The following RFC1 variants were observed in gnomAD, a reference collection of about 807,000 sequenced individuals.
The protein encoded by RFC1 is replication factor C subunit 1, also known as A1 140 kDa subunit.
In RFC1, 37 loss-of-function variants were observed where a neutral mutation model predicts 137.4. That is an observed-to-expected ratio of 0.27 (90% CI 0.21 to 0.35). The LOEUF is 0.35. Among genes scored for constraint, RFC1 ranks in the 10% least tolerant of loss-of-function variants. The pLI is 1.00. For synonymous variants in RFC1, 429 were observed against 455.7 expected, an observed-to-expected ratio of 0.94 and a Z score of 0.75; for missense variants, 1,205 against 1,358.5, an observed-to-expected ratio of 0.89 and a Z score of 1.78.
chr4:39,308,255 T>G (rs1444237981), intron 13 of RFC1, among the ~76,000 whole-genome samples: 1 of 152,168 alleles, frequency 6.6e-6, no homozygotes, highest in East Asian at 1.9e-4. Context: ...TCTCCCTCCC[T>G]TCACCTAGCT....
In RFC1 at chr4:39,287,735, C is replaced by A. The variant is rs1029070333; in HGVS notation, c.*1026G>T. ...TCCATAGCCTCACGGCCACTCAACACATACAGTTATAGGAATAACCCAAAC... is the reference window on the plus strand; with the variant it reads ...TCCATAGCCTCACGGCCACTCAACAAATACAGTTATAGGAATAACCCAAAC... On this transcript the variant is annotated 3_prime_UTR_variant, in exon 25 of 25. Coordinates refer to ENST00000349703, the MANE Select transcript of RFC1 (RefSeq NM_002913.5). 2.6e-5 allele frequency: 4 copies of A among 152,214 alleles called. No homozygotes were observed. The South Asian group carries it at 8.3e-4, about 31-fold the overall frequency. 9.4% of individuals were successfully genotyped at this position (152,214 alleles called of 1,614,324 possible). A position where few individuals can be genotyped will look rare whatever the true frequency, so the allele number is the denominator to read the frequency against.
At chr4:39,351,966 CAAAAAA>C (rs570668838) in intron 1 of RFC1, among the ~76,000 whole-genome samples, 1 of 57,828 alleles carries the variant, frequency 1.7e-5, no homozygotes, top group Non-Finnish European at 3.8e-5. Context: ...GACTCCGTCT[CAAAAAA>C]AAAAAAAAAA....
At chr4:39,332,603 A>G (rs1047323880) in intron 4 of RFC1, among the ~76,000 whole-genome samples, 2 of 152,216 alleles carry the variant, frequency 1.3e-5, no homozygotes, top group Non-Finnish European at 2.9e-5. Context: ...GCAAAATACT[A>G]TACTCCTTAG....
chr4:39,346,557 C>G (rs930812942), intron 2 of RFC1, among the ~76,000 whole-genome samples: 1 of 150,816 alleles, frequency 6.6e-6, no homozygotes, highest in Non-Finnish European at 1.5e-5. Flanking sequence ...ACATTTCTAA[C>G]ATATTCAAAT....
At chr4:39,361,777 G>A (rs929915402) in intron 1 of RFC1, among the ~76,000 whole-genome samples, 1 of 152,174 alleles carries the variant, frequency 6.6e-6, no homozygotes, top group African/African-American at 2.4e-5. Flanking sequence ...AGCTGGGCGC[G>A]GTGGCTCACG....
chr4:39,331,662 T>C (rs1408284425), intron 4 of RFC1, among the ~76,000 whole-genome samples: 5 of 152,186 alleles, frequency 3.3e-5, no homozygotes, highest in East Asian at 1.9e-4. Flanking sequence ...AAAATATCTA[T>C]ATTTGCTCAT....
chr4:39,335,966 A>G (rs1229435367), intron 4 of RFC1, among the ~76,000 whole-genome samples: 4 of 152,214 alleles, frequency 2.6e-5, no homozygotes, highest in Non-Finnish European at 5.9e-5. Flanking sequence ...TGTCTCTCAC[A>G]GTTTCACAAG....
chr4:39,315,896 T>G (rs900992867), intron 10 of RFC1, among the ~76,000 whole-genome samples: 8 of 152,312 alleles, frequency 5.3e-5, no homozygotes, highest in African/African-American at 1.9e-4. Context: ...CAGAGCGATC[T>G]TTCAGAAATT....
At chr4:39,361,885 A>G (rs976672715) in intron 1 of RFC1, among the ~76,000 whole-genome samples, 4 of 152,146 alleles carry the variant, frequency 2.6e-5, no homozygotes, top group Non-Finnish European at 5.9e-5. Flanking sequence ...AAATACAAAA[A>G]AAAATTAGAT....
In RFC1 at chr4:39,295,721, C is replaced by G. The variant is rs1737951497; in HGVS notation, c.2847G>C (p.Arg949Ser). ...YASVLPGELM[R>S]GYMTQFPTFP... ...AGGTGGGAAACTGGGTCATGTACCC[C>G]CTCATCAACTCTCCAGGAAGAACAC... is the stretch of plus-strand genomic sequence containing the variant. Residue 949 changes from arginine (R) to serine (S), a missense_variant, in exon 22 of 25, where the codon AGG becomes AGC. Physicochemically the swap from Arg to Ser is moderately radical, Grantham distance 110. This residue lies in a region of RFC1 where 237 missense variants were observed against 304.2 expected (regional missense o/e 0.78). Transcript: ENST00000349703. 6.2e-7 allele frequency: 1 copy of G among 1,613,406 alleles called. No homozygotes were observed. Among genetic ancestry groups the G allele is most frequent in the East Asian group, 2.2e-5 (1 of 44,878 alleles).
chr4:39,329,262 G>A (rs1739963496), intron 4 of RFC1, among the ~76,000 whole-genome samples: 2 of 151,868 alleles, frequency 1.3e-5, no homozygotes, highest in Admixed American at 6.6e-5. Flanking sequence ...AGTACTTTGG[G>A]AGGCTGAGGC....
intron 23 of RFC1, among the ~76,000 whole-genome samples, chr4:39,291,192 G>A (rs2109574661): frequency 6.6e-6 from 1 of 152,240 alleles, no homozygotes; most frequent in Admixed American, 6.5e-5. Flanking sequence ...CATTATTACA[G>A]AGAAGATTAT....
In RFC1 at chr4:39,304,890, G is replaced by A. The variant is rs751224799; in HGVS notation, c.2034C>T (p.Asp678=). The A allele has an allele frequency of 1.2e-6, 2 of 1,613,240 alleles. No individual in the cohort carries two copies. The highest frequency in any genetic ancestry group is 1.3e-5 in the African/African-American group (1 of 74,996). Residue 678 remains aspartate (D), a synonymous_variant, in exon 15 of 25, where the codon GAC becomes GAT. Coordinates refer to ENST00000349703, the MANE Select transcript of RFC1 (RefSeq NM_002913.5). ...CCTTCAAACTGCTCTTACTCCGGGT[G>A]TCACTTGCATTCAGTTCCACGTAGC... ...GYSYVELNAS[D]TRSKSSLKAI...
At chr4:39,344,956 T>A (rs1740775106) in intron 3 of RFC1, among the ~76,000 whole-genome samples, 1 of 152,194 alleles carries the variant, frequency 6.6e-6, no homozygotes, top group African/African-American at 2.4e-5. Context: ...AGCCCTCTTC[T>A]CACAGGACTT....
chr4:39,327,659 C>G lies in RFC1; in HGVS notation c.429G>C (p.Lys143Asn). 1 of 1,613,532 alleles carries G rather than the reference C, an allele frequency of 6.2e-7. No homozygotes were observed. The highest frequency in any genetic ancestry group is 8.5e-7 in the Non-Finnish European group (1 of 1,179,774). The change falls in exon 5 of 25, where the codon AAG (lysine) becomes AAC (asparagine). Residue 143 changes from lysine (K) to asparagine (N), a missense_variant. By Grantham distance (94) the Lys-to-Asn change is moderately conservative. Around this residue, in one of 3 missense-constraint regions of RFC1, gnomAD observed 962 missense variants for 1,035.3 expected, o/e 0.93. Transcript: ENST00000349703. ...NSHLGTSNMKKNEENTKTKNK... is the reference protein window; with the variant it reads ...NSHLGTSNMKNNEENTKTKNK... ...TCTTGGTCTTAGTGTTTTCTTCATTCTTTTTCATGTTTGATGTTCCAAGAT... is the reference window on the plus strand; with the variant it reads ...TCTTGGTCTTAGTGTTTTCTTCATTGTTTTTCATGTTTGATGTTCCAAGAT...
intron 19 of RFC1, among the ~76,000 whole-genome samples, chr4:39,301,769 G>C (rs1356074700): frequency 6.6e-6 from 1 of 152,190 alleles, no homozygotes; most frequent in Non-Finnish European, 1.5e-5. Context: ...AACATAGCGA[G>C]ACCCTGTCTC....
Position 39,320,465 on chromosome 4 carries a change from G to A in RFC1, c.1013C>T (p.Ser338Leu), listed in dbSNP as rs1441302773. The change falls in exon 9 of 25, where the codon TCA becomes TTA. Residue 338 changes from serine (S) to leucine (L), a missense_variant. This residue lies in a region of RFC1 where 962 missense variants were observed against 1,035.3 expected (regional missense o/e 0.93). Transcript: ENST00000349703. The part of the protein sequence containing the change: ...SSYKEIEPVA[S>L]KRKENAIKLK... Reference sequence around the variant, plus strand: ...TTTAATGGCATTTTCTTTTCTTTTTGAGGCCACAGGCTCTATTTCTTTATA... The same window carrying A: ...TTTAATGGCATTTTCTTTTCTTTTTAAGGCCACAGGCTCTATTTCTTTATA... 2 of 1,555,950 alleles carry A rather than the reference G, an allele frequency of 1.3e-6. No homozygotes were observed. The highest frequency in any genetic ancestry group is 1.7e-6 in the Non-Finnish European group (2 of 1,157,880).
chr4:39,331,591 A>G lies in RFC1; in HGVS notation c.332-3835T>C, dbSNP rs12641490. On this transcript the variant is annotated intron_variant, in intron 4 of 24. Coordinates refer to ENST00000349703, the MANE Select transcript of RFC1 (RefSeq NM_002913.5). ...TAATATGGGAAAAAAAATAACCTAA[A>G]TATCTATTAATATGTATACTCAACC... 3.3e-4 allele frequency among the ~76,000 whole-genome samples: 51 copies of G among 152,312 alleles called. 1 individual carries two copies. The East Asian group carries it at 7.1e-3, about 21-fold the overall frequency.
intron 6 of RFC1, among the ~76,000 whole-genome samples, chr4:39,325,456 C>T (rs1739715919): frequency 6.6e-6 from 1 of 152,212 alleles, no homozygotes; most frequent in Non-Finnish European, 1.5e-5. Flanking sequence ...AATCACAGCT[C>T]ATTGCAGCCT....
Sources: gnomAD v4.1 joint callset for allele counts (sites outside exome capture counted in the v4.1 genomes callset) on GRCh38, gnomAD v4.1.1 for gene constraint, gnomAD v4.1.1 regional missense constraint, MANE v1.5 for transcripts, NCBI Gene and HGNC (gene_info 2026-07-23, HGNC 2026-07-21) for gene names.